Variants in INO80D observed in about 807,000 individuals in gnomAD.
The protein encoded by INO80D is INO80 complex subunit D.
Under a neutral mutation model 87.6 loss-of-function variants are expected in INO80D, and 21 were observed. The observed-to-expected ratio is 0.24, with a 90% confidence interval of 0.17 to 0.35. The LOEUF is 0.35. Ranked by LOEUF, INO80D falls within the 10% of genes least tolerant of loss-of-function variation. The probability of loss-of-function intolerance (pLI) is 1.00; values close to 1 mark genes in which losing one functional copy is unlikely to be tolerated. For synonymous variants in INO80D, 440 were observed against 491.0 expected (o/e 0.90, Z 1.37); for missense variants, 982 against 1,280.7 (o/e 0.77, Z 3.56).
At position 206,017,819 on chromosome 2, in the gene INO80D, T is replaced by G. The variant is rs751117315; in HGVS notation, c.1409-6A>C. ...AGAGTGGTTCAAGAGGATATCTGGG[T>G]TTTTTTAAGTTAGGAGTAAAATACA... On this transcript the variant is annotated splice_region_variant and splice_polypyrimidine_tract_variant and intron_variant, in intron 7 of 10. Transcript: ENST00000403263. 3.8e-6 allele frequency: 6 copies of G among 1,592,512 alleles called. No homozygotes were observed. Among genetic ancestry groups the G allele is most frequent in the Admixed American group, 1.9e-5 (1 of 52,786 alleles).
At chr2:206,048,087 C>T (rs966471369) in intron 4 of INO80D, among the ~76,000 whole-genome samples, 1 of 151,964 alleles carries the variant, frequency 6.6e-6, no homozygotes, top group Non-Finnish European at 1.5e-5. Flanking sequence ...GATCTCCTGA[C>T]CTTGTGATCC....
At chr2:206,068,014 T>C (rs563280879) in intron 1 of INO80D, among the ~76,000 whole-genome samples, 4 of 152,332 alleles carry the variant, frequency 2.6e-5, no homozygotes, top group South Asian at 2.1e-4. Flanking sequence ...ATTTGAACTA[T>C]TGCTTTTTTG....
intron 9 of INO80D, among the ~76,000 whole-genome samples, chr2:206,009,213 CAGA>C (rs1156614417): frequency 6.6e-6 from 1 of 152,080 alleles, no homozygotes; most frequent in Non-Finnish European, 1.5e-5. Flanking sequence ...GTGGCTGAGG[CAGA>C]AGAATCGCTT....
At chr2:206,008,418 T>A (rs1688084845) in intron 9 of INO80D, among the ~76,000 whole-genome samples, 1 of 151,242 alleles carries the variant, frequency 6.6e-6, no homozygotes, top group Non-Finnish European at 1.5e-5. Context: ...GTAGCTGGGA[T>A]TACAGGTGCT....
At chr2:206,037,853 A>C (rs1178441856) in intron 5 of INO80D, among the ~76,000 whole-genome samples, 3 of 152,256 alleles carry the variant, frequency 2.0e-5, no homozygotes, top group Non-Finnish European at 2.9e-5. Context: ...CAAATGGATA[A>C]AGAAAATGTG....
At chr2:206,045,663 G>A (rs947301999) in intron 5 of INO80D, among the ~76,000 whole-genome samples, 4 of 151,376 alleles carry the variant, frequency 2.6e-5, no homozygotes, top group African/African-American at 7.3e-5. Context: ...AGTATACCCC[G>A]ACAGCTTTCC....
chr2:206,080,729 A>G (rs1690254599), intron 1 of INO80D, among the ~76,000 whole-genome samples: 1 of 151,916 alleles, frequency 6.6e-6, no homozygotes, highest in Non-Finnish European at 1.5e-5. Context: ...AACACGGTGA[A>G]ACCCCGTCTC....
In INO80D at chr2:206,078,697, A is replaced by G. The variant is rs568669876; in HGVS notation, c.-124+7204T>C. 1.1e-4 allele frequency among the ~76,000 whole-genome samples: 16 copies of G among 152,296 alleles called. No homozygotes were observed. The South Asian group carries it at 3.1e-3, about 30-fold the overall frequency. On this transcript the variant is annotated intron_variant, in intron 1 of 10. Transcript: ENST00000403263. ...CGCGGTGGCTCACGCCTGTAATCCC[A>G]GCACTTTGGGAGGCCAAGGCAGGTG...
At chr2:206,080,929 A>T (rs1467133246) in intron 1 of INO80D, among the ~76,000 whole-genome samples, 2 of 144,066 alleles carry the variant, frequency 1.4e-5, no homozygotes, top group Non-Finnish European at 3.1e-5. Context: ...AAAAAAAAAG[A>T]ATATTAAAAA....
At chr2:206,034,527 T>C (rs2105844384) in intron 5 of INO80D, among the ~76,000 whole-genome samples, 1 of 152,256 alleles carries the variant, frequency 6.6e-6, no homozygotes, top group East Asian at 1.9e-4. Flanking sequence ...GAAAAAGCAT[T>C]TGACAAAATC....
chr2:206,019,995 G>A (rs1688417682), intron 6 of INO80D, 150 bp from the exon 7 acceptor site: 2 of 530,942 alleles, frequency 3.8e-6, no homozygotes, highest in Non-Finnish European at 6.6e-6. Flanking sequence ...GTGATTTAAA[G>A]AAAGACGGTA....
At chr2:206,041,920 G>C (rs1436172576) in intron 5 of INO80D, among the ~76,000 whole-genome samples, 1 of 152,024 alleles carries the variant, frequency 6.6e-6, no homozygotes, top group African/African-American at 2.4e-5. Context: ...GGCCAAGGTG[G>C]GAGGATCACT....
rs766632580 is a variant in INO80D, at chr2:206,004,614, C to T, written c.2838G>A (p.Pro946=). 9.9e-6 allele frequency: 16 copies of T among 1,612,410 alleles called. No homozygotes were observed. The Middle Eastern group carries it at 6.6e-4, about 66-fold the overall frequency. The change falls in exon 11 of 11, where the codon CCG becomes CCA. Residue 946 remains proline, a synonymous_variant. Transcript: ENST00000403263. This position sits in a 1 kb window ranked among gnomAD's most constrained non-coding sequence, Gnocchi z 4.9. ...CACTGAAGCTGGTCTGTGGTAACCCCGGAAGCACACTGGAGCTGCTGGGGG... is the reference window on the plus strand; with the variant it reads ...CACTGAAGCTGGTCTGTGGTAACCCTGGAAGCACACTGGAGCTGCTGGGGG... The part of the protein sequence containing the change: ...TVTPSSSSVL[P]GLPQTSFSGM...
At chr2:206,063,309 C>T in intron 1 of INO80D, 65 bp from the exon 2 acceptor site, 1 of 518,702 alleles carries the variant, frequency 1.9e-6, no homozygotes, top group Non-Finnish European at 3.3e-6. Flanking sequence ...ACCCAGGAAG[C>T]AAAATACTAA....
intron 3 of INO80D, among the ~76,000 whole-genome samples, chr2:206,058,590 C>G (rs543247993): frequency 1.1e-4 from 16 of 151,880 alleles, no homozygotes; most frequent in African/African-American, 3.9e-4. Flanking sequence ...CAAAAATCAG[C>G]CAGATATGAT....
At chr2:206,038,016 G>A (rs754805962) in intron 5 of INO80D, among the ~76,000 whole-genome samples, 7 of 152,128 alleles carry the variant, frequency 4.6e-5, no homozygotes, top group Non-Finnish European at 1.0e-4. Context: ...ACTCATAAGT[G>A]GGTACTAAAA....
chr2:206,044,690 T>C (rs1362321368), intron 5 of INO80D, among the ~76,000 whole-genome samples: 2 of 152,172 alleles, frequency 1.3e-5, no homozygotes, highest in Non-Finnish European at 2.9e-5. Context: ...CAGAATAGAA[T>C]ACACATTGTT....
At chr2:206,020,606 ATTTT>A (rs199716348) in intron 6 of INO80D, among the ~76,000 whole-genome samples, 1 of 151,698 alleles carries the variant, frequency 6.6e-6, no homozygotes, top group Non-Finnish European at 1.5e-5. Context: ...CATTATTTAA[ATTTT>A]TTTTTATCTC....
chr2:206,056,956 C>T lies in INO80D; in HGVS notation c.219-13G>A. On this transcript the variant is annotated splice_polypyrimidine_tract_variant and intron_variant, in intron 3 of 10. Transcript: ENST00000403263. ...GCTGTTGCAGTACCTTTAAAATACA[C>T]ACATACATGGGAAAACAGTCATGAT... 1.3e-6 allele frequency: 2 copies of T among 1,558,976 alleles called. No individual in the cohort carries two copies. The highest frequency in any genetic ancestry group is 1.7e-6 in the Non-Finnish European group (2 of 1,150,692).
Sources: allele counts gnomAD v4.1 joint callset (sites outside exome capture counted in the v4.1 genomes callset), GRCh38; gene constraint gnomAD v4.1.1; non-coding constraint Gnocchi (gnomAD v3.1); transcripts MANE v1.5; gene names NCBI Gene and HGNC (gene_info 2026-07-23, HGNC 2026-07-21).